Variants in EFCAB6 observed in about 807,000 individuals in gnomAD.
EFCAB6 encodes the protein EF-hand calcium-binding domain-containing protein 6.
In EFCAB6, 156 loss-of-function variants were observed where a neutral mutation model predicts 169.8. The observed-to-expected ratio is 0.92, with a 90% confidence interval of 0.81 to 1.05. EFCAB6 has a LOEUF of 1.05. EFCAB6 is among the 50% of genes least tolerant of loss of function. The pLI, the probability that EFCAB6 is intolerant of heterozygous loss-of-function variation, is 0.00. For synonymous variants in EFCAB6, 698 were observed against 676.4 expected (o/e 1.03, Z -0.50); for missense variants, 1,800 against 1,829.1 (o/e 0.98, Z 0.29).
intron 2 of EFCAB6, among the ~76,000 whole-genome samples, chr22:43,784,560 C>CAT (rs1215826664): frequency 2.4e-5 from 2 of 82,286 alleles, no homozygotes; most frequent in Non-Finnish European, 4.4e-5. Flanking sequence ...TATATATACA[C>CAT]ATATATATGT....
chr22:43,802,682 G>A (rs1271328793), intron 2 of EFCAB6: 5 of 506,098 alleles, frequency 9.9e-6, no homozygotes, highest in Non-Finnish European at 1.6e-5. Context: ...AAAGGGAAAA[G>A]CTGATATTGG....
intron 26 of EFCAB6, among the ~76,000 whole-genome samples, chr22:43,557,398 T>G (rs1432318856): frequency 6.6e-6 from 1 of 152,238 alleles, no homozygotes; most frequent in Non-Finnish European, 1.5e-5. Context: ...TTGAACAGTT[T>G]TCTAGCAAAA....
intron 18 of EFCAB6, among the ~76,000 whole-genome samples, chr22:43,632,643 C>T (rs763247496): frequency 3.9e-5 from 6 of 152,178 alleles, no homozygotes; most frequent in Non-Finnish European, 7.3e-5. Context: ...CTGCCTGTCC[C>T]GAATCCTGTT....
Position 43,574,204 on chromosome 22 carries a change from GT to G in EFCAB6, c.3420+2092del, listed in dbSNP as rs529517632. ...ATGTTATATAGACCTTTTGGCTGAT[GT>G]TTGGGAAATCTTTAAGTGACAGGGT... On this transcript the variant is annotated intron_variant, in intron 26 of 31. Transcript: ENST00000262726. Among the ~76,000 whole-genome samples the G allele has an allele frequency of 5.9e-5, 9 of 152,118 alleles. No individual in the cohort carries two copies. The South Asian group carries it at 1.9e-3, about 32-fold the overall frequency.
At chr22:43,589,390 T>C (rs927770852) in intron 24 of EFCAB6, among the ~76,000 whole-genome samples, 1 of 143,964 alleles carries the variant, frequency 6.9e-6, no homozygotes, top group Non-Finnish European at 1.5e-5. Context: ...CTTTGGGTAG[T>C]GAAATAAGGG....
At chr22:43,674,719 G>A (rs775653195) in intron 13 of EFCAB6, among the ~76,000 whole-genome samples, 5 of 152,142 alleles carry the variant, frequency 3.3e-5, no homozygotes, top group Admixed American at 6.5e-5. Flanking sequence ...CATTTTATGC[G>A]CATTATCCTG....
At chr22:43,811,258 G>C (rs1383657471) in intron 1 of EFCAB6, among the ~76,000 whole-genome samples, 1 of 145,744 alleles carries the variant, frequency 6.9e-6, no homozygotes, top group African/African-American at 2.5e-5. Flanking sequence ...CTGGGTGACA[G>C]AGGAAGACTC....
At position 43,716,896 on chromosome 22, in the gene EFCAB6, G is replaced by A; in HGVS notation, c.834C>T (p.Ile278=). ...TTTCATCCAAGGAGTAGTTTCTCCAGATATCTTCAGATGATGCAGAACCTA... is the reference window on the plus strand; with the variant it reads ...TTTCATCCAAGGAGTAGTTTCTCCAAATATCTTCAGATGATGCAGAACCTA... ...RLLGSASSED[I]WRNYSLDEIE... is the part of the protein sequence containing the mutation. Residue 278 remains isoleucine (I), a synonymous_variant, in exon 9 of 32, where the codon ATC becomes ATT. Coordinates refer to ENST00000262726, the MANE Select transcript of EFCAB6 (RefSeq NM_022785.4). 1.2e-6 allele frequency: 2 copies of A among 1,603,346 alleles called. No individual in the cohort carries two copies. Among genetic ancestry groups the A allele is most frequent in the Non-Finnish European group, 1.7e-6 (2 of 1,175,374 alleles).
At chr22:43,736,461 C>T (rs185420997) in intron 6 of EFCAB6, among the ~76,000 whole-genome samples, 15 of 152,254 alleles carry the variant, frequency 9.9e-5, no homozygotes, top group East Asian at 1.9e-4. Context: ...AGTTTTGTAG[C>T]GACTTCTCCA....
intron 6 of EFCAB6, among the ~76,000 whole-genome samples, chr22:43,748,478 C>T (rs2060642462): frequency 6.6e-6 from 1 of 152,154 alleles, no homozygotes; most frequent in Admixed American, 6.5e-5. Context: ...CATCTCTTCC[C>T]CTATCCCATC....
chr22:43,528,981 A>G lies in EFCAB6; in HGVS notation c.4384-6T>C. On this transcript the variant is annotated splice_polypyrimidine_tract_variant and splice_region_variant and intron_variant, in intron 31 of 31. Transcript: ENST00000262726. ...ATGCTGTACTGTCTCAGGACCTGGA[A>G]GACAGAGAAAAGGGGCCTCTGAGGC... is the stretch of plus-strand genomic sequence containing the variant. 6.4e-7 allele frequency: 1 copy of G among 1,569,930 alleles called. No homozygotes were observed. The highest frequency in any genetic ancestry group is 1.1e-5 in the South Asian group (1 of 87,576).
intron 6 of EFCAB6, among the ~76,000 whole-genome samples, chr22:43,743,130 G>A (rs538321667): frequency 1.9e-4 from 29 of 152,340 alleles, no homozygotes; most frequent in African/African-American, 6.7e-4. Context: ...AAAAGTAATA[G>A]CAAGACAAAA....
Position 43,752,852 on chromosome 22 carries a change from A to G in EFCAB6, c.507+2914T>C, listed in dbSNP as rs544027944. Reference sequence around the variant, plus strand: ...TGGAGTCTTCGGTTTCTCATAAGGGAAAAAAACCAAACATCTCTGTGTCCA... The same window carrying G: ...TGGAGTCTTCGGTTTCTCATAAGGGGAAAAAACCAAACATCTCTGTGTCCA... On this transcript the variant is annotated intron_variant, in intron 6 of 31. Coordinates refer to ENST00000262726, the MANE Select transcript of EFCAB6 (RefSeq NM_022785.4). Among the ~76,000 whole-genome samples, 4 of 152,242 alleles carry G rather than the reference A, an allele frequency of 2.6e-5. No homozygotes were observed. The East Asian group carries it at 5.8e-4, about 22-fold the overall frequency.
chr22:43,639,435 T>C (rs1192191356), intron 17 of EFCAB6, among the ~76,000 whole-genome samples: 1 of 152,212 alleles, frequency 6.6e-6, no homozygotes, highest in Non-Finnish European at 1.5e-5. Context: ...TTGGTTTTGC[T>C]TTTGCTTTTT....
chr22:43,655,027 C>G lies in EFCAB6; in HGVS notation c.1983+12077G>C, dbSNP rs2056666293. 2.0e-5 allele frequency among the ~76,000 whole-genome samples: 3 copies of G among 152,196 alleles called. No individual in the cohort carries two copies. In the South Asian group the frequency reaches 6.2e-4, roughly 32 times the overall value. On this transcript the variant is annotated intron_variant, in intron 17 of 31. Coordinates refer to ENST00000262726, the MANE Select transcript of EFCAB6 (RefSeq NM_022785.4). Reference sequence around the variant, plus strand: ...AATCTTAGCACTTTGGGAGGCTGAGCCGAGCGGATCACCTGAGGTCAGGAG... The same window carrying G: ...AATCTTAGCACTTTGGGAGGCTGAGGCGAGCGGATCACCTGAGGTCAGGAG...
Position 43,580,590 on chromosome 22 carries a change from C to T in EFCAB6, c.3102G>A (p.Lys1034=), listed in dbSNP as rs1249050926. 3.7e-6 allele frequency: 6 copies of T among 1,614,008 alleles called. No homozygotes were observed. The Admixed American group carries it at 1.0e-4, about 27-fold the overall frequency. The change falls in exon 25 of 32, where the codon AAG becomes AAA. Residue 1034 remains lysine, a synonymous_variant. Coordinates refer to ENST00000262726, the MANE Select transcript of EFCAB6 (RefSeq NM_022785.4). The part of the protein sequence containing the change: ...LDFLRAVENS[K]STGAQPKEKE... ...TTTCCTTGGGCTGAGCTCCTGTTGA[C>T]TTGCTGTTCTCCACTGCTCTCAGGA...
At chr22:43,561,976 C>G (rs962288699) in intron 26 of EFCAB6, among the ~76,000 whole-genome samples, 1 of 152,130 alleles carries the variant, frequency 6.6e-6, no homozygotes, top group African/African-American at 2.4e-5. Context: ...GGGCCCGGTC[C>G]GTGCTGGGCC....
chr22:43,557,584 C>A (rs1198341772), intron 26 of EFCAB6, among the ~76,000 whole-genome samples: 1 of 152,076 alleles, frequency 6.6e-6, no homozygotes, highest in African/African-American at 2.4e-5. Flanking sequence ...ATTTTAAAGG[C>A]AAGCTGTATG....
At chr22:43,698,527 A>G (rs1337797788) in intron 10 of EFCAB6, among the ~76,000 whole-genome samples, 1 of 152,188 alleles carries the variant, frequency 6.6e-6, no homozygotes, top group Admixed American at 6.5e-5. Context: ...TCTCAGACCC[A>G]CAAAATTCAA....
Sources: gnomAD v4.1 joint callset for allele counts (sites outside exome capture counted in the v4.1 genomes callset) on GRCh38, gnomAD v4.1.1 for gene constraint, MANE v1.5 for transcripts, NCBI Gene and HGNC (gene_info 2026-07-23, HGNC 2026-07-21) for gene names.